The following EIF4G3 variants were observed in gnomAD, a reference collection of about 807,000 sequenced individuals.
The protein encoded by EIF4G3 is eukaryotic translation initiation factor 4 gamma 3.
In EIF4G3, 34 loss-of-function variants were observed where a neutral mutation model predicts 186.4. The ratio of observed to expected loss-of-function variants is 0.18; its 90% CI spans 0.14 to 0.24. The LOEUF is 0.24. Ranked by LOEUF, EIF4G3 falls within the 10% of genes least tolerant of loss-of-function variation. The pLI is 1.00. For missense variants in EIF4G3, 1,536 were observed against 1,948.5 expected, an observed-to-expected ratio of 0.79 and a Z score of 3.99; for synonymous variants, 673 against 679.5, an observed-to-expected ratio of 0.99 and a Z score of 0.15.
At chr1:21,014,835 A>G (rs2088407250) in intron 4 of EIF4G3, among the ~76,000 whole-genome samples, 1 of 152,046 alleles carries the variant, frequency 6.6e-6, no homozygotes, top group African/African-American at 2.4e-5. Flanking sequence ...GGTTTTTGCC[A>G]TGTTGGCCAG....
chr1:20,899,258 A>G (rs1377891647), intron 16 of EIF4G3, among the ~76,000 whole-genome samples: 1 of 152,210 alleles, frequency 6.6e-6, no homozygotes, highest in African/African-American at 2.4e-5. Context: ...GGAACTTCCC[A>G]TACTGCAGGT....
Position 21,002,811 on chromosome 1 carries a change from G to A in EIF4G3, c.-66-3C>T, listed in dbSNP as rs2083882383. On this transcript the variant is annotated splice_region_variant and splice_polypyrimidine_tract_variant and intron_variant, in intron 4 of 36. Coordinates refer to ENST00000602326, the MANE Select transcript of EIF4G3 (RefSeq NM_001391906.1). ...TTCTGTCCAGAGGGATAAGGGGTCT[G>A]TCAAAAAATGGCAAGAACAATATAA... 2.0e-6 allele frequency: 3 copies of A among 1,520,506 alleles called. No homozygotes were observed. Among genetic ancestry groups the A allele is most frequent in the Non-Finnish European group, 2.7e-6 (3 of 1,103,194 alleles). The allele number at this position is 1,520,506 out of a possible 1,614,324, so 94.2% of individuals were successfully genotyped here. A position where few individuals can be genotyped will look rare whatever the true frequency, so the allele number is the denominator to read the frequency against.
At chr1:20,807,814 G>A (rs2058369420) in intron 36 of EIF4G3, among the ~76,000 whole-genome samples, 1 of 135,684 alleles carries the variant, frequency 7.4e-6, no homozygotes, top group Non-Finnish European at 1.5e-5. Flanking sequence ...CCAGGCTGGA[G>A]TGCAGTGGTG....
intron 3 of EIF4G3, chr1:21,064,983 A>G (rs1227746164): frequency 1.3e-5 from 2 of 152,168 alleles, no homozygotes; most frequent in Non-Finnish European, 2.9e-5. Context: ...ACTGATATAC[A>G]TTCAGTGACT....
chr1:20,920,205 CGAGAT>C (rs539893703), intron 14 of EIF4G3, among the ~76,000 whole-genome samples: 146 of 152,206 alleles, frequency 9.6e-4, no homozygotes, highest in African/African-American at 3.1e-3. Context: ...TGCGTCCGGT[CGAGAT>C]ATTTTATTGT....
intron 3 of EIF4G3, among the ~76,000 whole-genome samples, chr1:21,063,708 G>C (rs949170685): frequency 1.0e-4 from 4 of 38,968 alleles, no homozygotes; most frequent in East Asian, 2.2e-3. Context: ...TTCATTTTGG[G>C]GGGGGGGGTG....
At chr1:21,017,750 G>A (rs918674559) in intron 4 of EIF4G3, among the ~76,000 whole-genome samples, 5 of 151,662 alleles carry the variant, frequency 3.3e-5, no homozygotes, top group Non-Finnish European at 7.4e-5. Context: ...TGGAGCACTT[G>A]AGATTTTCAG....
chr1:21,124,077 G>A (rs541259806), intron 2 of EIF4G3, among the ~76,000 whole-genome samples: 1 of 152,166 alleles, frequency 6.6e-6, no homozygotes, highest in Non-Finnish European at 1.5e-5. Flanking sequence ...GATCACCTGA[G>A]GTCAGGAGTT....
intron 12 of EIF4G3, among the ~76,000 whole-genome samples, chr1:20,955,153 TG>T (rs1230855776): frequency 1.3e-5 from 2 of 152,176 alleles, no homozygotes; most frequent in Non-Finnish European, 2.9e-5. Flanking sequence ...CAAGGGTTTT[TG>T]GTCTTTATCC....
chr1:20,829,050 A>G, intron 31 of EIF4G3, 97 bp downstream of exon 31: 1 of 1,362,860 alleles, frequency 7.3e-7, no homozygotes. Context: ...ATGAGTCTCC[A>G]AAGGCGATAA....
intron 2 of EIF4G3, among the ~76,000 whole-genome samples, chr1:21,155,673 G>C (rs753028391): frequency 5.3e-5 from 8 of 151,934 alleles, no homozygotes; most frequent in Non-Finnish European, 1.0e-4. Flanking sequence ...CTCCACCCTG[G>C]GTGAAAGAGT....
chr1:20,999,279 C>A, intron 6 of EIF4G3: 1 of 312,748 alleles, frequency 3.2e-6, no homozygotes, highest in Non-Finnish European at 6.5e-6. Flanking sequence ...ACAGTTCTTG[C>A]AGAAAATTTT....
rs1383172900 is a variant in EIF4G3, at chr1:21,039,609, G to A, written c.-67+11257C>T. 6.6e-5 allele frequency among the ~76,000 whole-genome samples: 10 copies of A among 152,156 alleles called. No individual in the cohort carries two copies. In the East Asian group the frequency reaches 1.5e-3, roughly 23 times the overall value. On this transcript the variant is annotated intron_variant, in intron 4 of 36. Coordinates refer to ENST00000602326, the MANE Select transcript of EIF4G3 (RefSeq NM_001391906.1). The stretch of plus-strand genomic sequence containing the variant: ...ATCCCAGAGACGGAAGCTACAGTGA[G>A]TTATTTCCAACACCCTGAACTCCAG...
chr1:20,943,970 TTTTTTGTGTGTG>T (rs71014129), intron 13 of EIF4G3, among the ~76,000 whole-genome samples: 5,466 of 80,306 alleles, frequency 0.068, 461 homozygotes, highest in Non-Finnish European at 0.076. Flanking sequence ...TGTCTTTATT[TTTTTTGTGTGTG>T]TGTGTGTGTG....
intron 14 of EIF4G3, among the ~76,000 whole-genome samples, chr1:20,938,010 T>G (rs2095575395): frequency 6.6e-6 from 1 of 152,038 alleles, no homozygotes; most frequent in Non-Finnish European, 1.5e-5. Context: ...TTTCTTTTTT[T>G]TTTTAAGATG....
intron 14 of EIF4G3, among the ~76,000 whole-genome samples, chr1:20,938,293 C>A (rs1196078748): frequency 6.6e-6 from 1 of 152,176 alleles, no homozygotes; most frequent in East Asian, 1.9e-4. Flanking sequence ...CCGCGCCCGG[C>A]CTCAACTGAT....
At chr1:21,056,210 T>G (rs1479413737) in intron 3 of EIF4G3, among the ~76,000 whole-genome samples, 1 of 152,132 alleles carries the variant, frequency 6.6e-6, no homozygotes, top group East Asian at 1.9e-4. Context: ...AAAAGGCACT[T>G]CCTCCTAAAT....
In EIF4G3 at chr1:21,020,034, C is replaced by A. The variant is rs527575521; in HGVS notation, c.-66-17226G>T. 3.3e-5 allele frequency among the ~76,000 whole-genome samples: 5 copies of A among 152,344 alleles called. No individual in the cohort carries two copies. The East Asian group carries it at 7.7e-4, about 23-fold the overall frequency. On this transcript the variant is annotated intron_variant, in intron 4 of 36. Coordinates refer to ENST00000602326, the MANE Select transcript of EIF4G3 (RefSeq NM_001391906.1). ...TTCTGTTACTATTGCAACTGCCAAT[C>A]TGAAAGGAATTGAGGAACCACTTTT...
intron 19 of EIF4G3, 42 bp from the exon 20 acceptor site, chr1:20,879,562 T>C (rs530114437): frequency 8.2e-7 from 1 of 1,222,844 alleles, no homozygotes; most frequent in South Asian, 2.5e-5. Flanking sequence ...AGAGTAACTG[T>C]GACAATATGG....
Sources: gnomAD v4.1 joint callset for allele counts (sites outside exome capture counted in the v4.1 genomes callset) on GRCh38, gnomAD v4.1.1 for gene constraint, MANE v1.5 for transcripts, NCBI Gene and HGNC (gene_info 2026-07-23, HGNC 2026-07-21) for gene names.